The following HHAT variants were observed in gnomAD, a reference collection of about 807,000 sequenced individuals.
HHAT encodes protein-cysteine N-palmitoyltransferase HHAT.
A neutral mutation model predicts 70.8 loss-of-function variants in HHAT; 47 were observed. The observed-to-expected ratio is 0.66, with a 90% CI of 0.53 to 0.85. The LOEUF is 0.85. Among genes scored for constraint, HHAT ranks in the 40% least tolerant of loss-of-function variants. The pLI is 0.00. For synonymous variants in HHAT, 228 were observed against 247.6 expected (o/e 0.92, Z 0.74); for missense variants, 609 against 604.8 (o/e 1.01, Z -0.07).
chr1:210,387,321 G>A (rs2091152785), intron 3 of HHAT, 147 bp from the exon 4 acceptor site: 2 of 656,654 alleles, frequency 3.0e-6, no homozygotes, highest in Admixed American at 2.3e-5. Flanking sequence ...GTGTACAGGT[G>A]GGTGGGGAAA....
intron 3 of HHAT, 39 bp downstream of exon 3, chr1:210,362,958 C>T (rs770877664): frequency 6.9e-7 from 1 of 1,448,280 alleles, no homozygotes; most frequent in South Asian, 1.1e-5. Context: ...GTTTTCAAAC[C>T]TGATTTCAAT....
In HHAT at chr1:210,567,434, A is replaced by C. The variant is rs181699491; in HGVS notation, c.1044-20464A>C. Among the ~76,000 whole-genome samples the C allele has an allele frequency of 2.2e-3, 336 of 152,284 alleles. 1 individual carries two copies. The highest frequency in any genetic ancestry group is 3.8e-3 in the Non-Finnish European group (260 of 68,012). On this transcript the variant is annotated intron_variant, in intron 9 of 11. Coordinates refer to ENST00000261458, the MANE Select transcript of HHAT (RefSeq NM_018194.6). ...GGAAATTTCCCAGAGTAGTTTCATA[A>C]ATTGAGTAATACCTGTAAAATGTTC... is the stretch of plus-strand genomic sequence containing the variant.
intron 4 of HHAT, among the ~76,000 whole-genome samples, chr1:210,398,720 G>A (rs894485345): frequency 2.6e-5 from 4 of 152,174 alleles, no homozygotes; most frequent in Non-Finnish European, 4.4e-5. Flanking sequence ...GGTAAATGCT[G>A]TAGGTCATGT....
chr1:210,501,476 A>G (rs993576976), intron 8 of HHAT, among the ~76,000 whole-genome samples: 4 of 152,208 alleles, frequency 2.6e-5, no homozygotes, highest in Admixed American at 2.6e-4. Context: ...CACAAAACTC[A>G]TAGAGGGGTG....
At chr1:210,605,798 TG>T (rs1396064023) in intron 10 of HHAT, among the ~76,000 whole-genome samples, 5 of 152,156 alleles carry the variant, frequency 3.3e-5, no homozygotes, top group African/African-American at 1.2e-4. Context: ...CTTAGTTGTT[TG>T]TGATTTTTAC....
chr1:210,501,759 A>T (rs548546006), intron 8 of HHAT, among the ~76,000 whole-genome samples: 76 of 152,314 alleles, frequency 5.0e-4, no homozygotes, highest in African/African-American at 1.6e-3. Flanking sequence ...GTGCTAGTTC[A>T]TAGGCATTTC....
chr1:210,329,081 G>A lies in HHAT; in HGVS notation c.-67G>A, dbSNP rs925424487. On this transcript the variant is annotated 5_prime_UTR_variant, in exon 1 of 12. Transcript: ENST00000261458. ...CGCGGCGCGCGTGAACGTTGCCGTC[G>A]CCGCCGCCCGGGACAGCCCGGAGGT... The A allele has an allele frequency of 4.2e-6, 6 of 1,420,618 alleles. No homozygotes were observed. The highest frequency in any genetic ancestry group is 1.5e-5 in the South Asian group (1 of 67,700). The allele number at this position is 1,420,618 out of a possible 1,614,324, so 88.0% of individuals were successfully genotyped here.
chr1:210,604,563 T>A (rs529597658), intron 10 of HHAT, among the ~76,000 whole-genome samples: 45 of 152,224 alleles, frequency 3.0e-4, no homozygotes, highest in Non-Finnish European at 5.4e-4. Context: ...TGGTATTATT[T>A]GTGATACATA....
intron 9 of HHAT, among the ~76,000 whole-genome samples, chr1:210,571,051 C>T (rs377602207): frequency 3.3e-5 from 5 of 152,102 alleles, no homozygotes; most frequent in African/African-American, 7.2e-5. Context: ...TGGCCTCGGC[C>T]GTCGAATTGA....
At position 210,468,346 on chromosome 1, in the gene HHAT, C is replaced by T. The variant is rs535459985; in HGVS notation, c.1007+3691C>T. 4.6e-5 allele frequency among the ~76,000 whole-genome samples: 7 copies of T among 152,232 alleles called. No homozygotes were observed. The East Asian group carries it at 5.8e-4, about 13-fold the overall frequency. On this transcript the variant is annotated intron_variant, in intron 8 of 11. Coordinates refer to ENST00000261458, the MANE Select transcript of HHAT (RefSeq NM_018194.6). Reference sequence around the variant, plus strand: ...TTGATTTCTAGCTATGGAAGCAAAGCGATAGAATTTCCCATGGTGGCTGGT... The same window carrying T: ...TTGATTTCTAGCTATGGAAGCAAAGTGATAGAATTTCCCATGGTGGCTGGT...
In HHAT at chr1:210,379,354, G is replaced by A. The variant is rs2090461258; in HGVS notation, c.160-8114G>A. Among the ~76,000 whole-genome samples, 3 of 152,184 alleles carry A rather than the reference G, an allele frequency of 2.0e-5. No homozygotes were observed. In the South Asian group the frequency reaches 6.2e-4, roughly 32 times the overall value. On this transcript the variant is annotated intron_variant, in intron 3 of 11. Transcript: ENST00000261458. ...GACCTGCCAGCTACAGGGAATTCTG[G>A]GATATTTAGTTTTCAACCTTCTAAC...
chr1:210,501,228 A>C (rs574032991), intron 8 of HHAT, among the ~76,000 whole-genome samples: 1 of 152,332 alleles, frequency 6.6e-6, no homozygotes, highest in East Asian at 1.9e-4. Context: ...AATATTCATT[A>C]AATGGATTTC....
At chr1:210,450,396 G>T (rs1487813103) in intron 7 of HHAT, among the ~76,000 whole-genome samples, 1 of 152,034 alleles carries the variant, frequency 6.6e-6, no homozygotes, top group Non-Finnish European at 1.5e-5. Flanking sequence ...CTGGAGCCTT[G>T]GATACATCCT....
chr1:210,616,669 C>T (rs1054792195), intron 10 of HHAT, among the ~76,000 whole-genome samples: 5 of 152,120 alleles, frequency 3.3e-5, no homozygotes, highest in African/African-American at 7.2e-5. Context: ...GAAGGGAATC[C>T]GCACTGCCAC....
At chr1:210,464,761 T>C (rs1168177359) in intron 8 of HHAT, 106 bp downstream of exon 8, 2 of 1,142,738 alleles carry the variant, frequency 1.8e-6, no homozygotes, top group Non-Finnish European at 1.2e-6. Context: ...TGTCTCTCAC[T>C]CAAGCTGCAT....
intron 11 of HHAT, among the ~76,000 whole-genome samples, chr1:210,653,757 G>GA (rs1675685808): frequency 6.6e-6 from 1 of 152,020 alleles, no homozygotes; most frequent in Non-Finnish European, 1.5e-5. Context: ...TAAATTTTTT[G>GA]AAAAAAATCT....
intron 11 of HHAT, among the ~76,000 whole-genome samples, chr1:210,661,528 T>A (rs1677712198): frequency 6.6e-6 from 1 of 152,232 alleles, no homozygotes; most frequent in Non-Finnish European, 1.5e-5. Context: ...AAATACCATT[T>A]GACCCAGCCA....
intron 10 of HHAT, among the ~76,000 whole-genome samples, chr1:210,607,047 GA>G (rs1665594007): frequency 6.6e-6 from 1 of 152,180 alleles, no homozygotes; most frequent in African/African-American, 2.4e-5. Flanking sequence ...GAAGAAGGAA[GA>G]GGGAAACCTC....
intron 11 of HHAT, among the ~76,000 whole-genome samples, chr1:210,639,261 C>G (rs1295599264): frequency 6.6e-6 from 1 of 152,042 alleles, no homozygotes; most frequent in Non-Finnish European, 1.5e-5. Context: ...CTCACTCTGT[C>G]AATCCAAAAC....
Sources: gnomAD v4.1 joint callset for allele counts (sites outside exome capture counted in the v4.1 genomes callset) on GRCh38, gnomAD v4.1.1 for gene constraint, MANE v1.5 for transcripts, NCBI Gene and HGNC (gene_info 2026-07-23, HGNC 2026-07-21) for gene names.